Variants in RASA2 observed in about 807,000 individuals in gnomAD.
RASA2 encodes the protein RAS p21 protein activator 2.
Under a neutral mutation model 118.2 loss-of-function variants are expected in RASA2, and 155 were observed. That is an observed-to-expected ratio of 1.31 (90% confidence interval 1.15 to 1.50). The LOEUF (loss-of-function observed/expected upper bound fraction) is 1.50. Ranked by LOEUF, RASA2 falls within the 40% of genes most tolerant of loss-of-function variation. The pLI, the probability that RASA2 is intolerant of heterozygous loss-of-function variation, is 0.00. For synonymous variants in RASA2, 353 were observed against 349.1 expected (o/e 1.01, Z -0.12); for missense variants, 1,016 against 1,009.6 (o/e 1.01, Z -0.09).
At chr3:141,611,937 C>T (rs1202851071) in intron 23 of RASA2, among the ~76,000 whole-genome samples, 1 of 152,154 alleles carries the variant, frequency 6.6e-6, no homozygotes, top group Non-Finnish European at 1.5e-5. Flanking sequence ...TCCACTCATA[C>T]CCATACACAC....
intron 1 of RASA2, 119 bp from the exon 2 acceptor site, chr3:141,512,044 G>GT (rs145312322): frequency 0.17 from 89,512 of 512,608 alleles, 1 homozygote; most frequent in South Asian, 0.23. Flanking sequence ...AATCACTAGT[G>GT]TTTTTTTTTT....
intron 11 of RASA2, among the ~76,000 whole-genome samples, chr3:141,571,808 G>C (rs575022485): frequency 3.3e-5 from 5 of 152,032 alleles, no homozygotes; most frequent in Admixed American, 2.6e-4. Context: ...CTGCTTCTTA[G>C]TGTAATGGTT....
chr3:141,529,920 C>A, intron 4 of RASA2, 118 bp downstream of exon 4: 1 of 751,402 alleles, frequency 1.3e-6, no homozygotes, highest in Non-Finnish European at 2.1e-6. Context: ...ATTCTAGCAT[C>A]AAATATTATA....
chr3:141,520,711 G>C (rs979054692), intron 3 of RASA2, among the ~76,000 whole-genome samples: 4 of 152,024 alleles, frequency 2.6e-5, no homozygotes, highest in African/African-American at 9.7e-5. Context: ...TACACACACA[G>C]TTATATACAC....
chr3:141,565,088 C>T (rs1463832903), intron 9 of RASA2, among the ~76,000 whole-genome samples: 4 of 152,018 alleles, frequency 2.6e-5, no homozygotes, highest in African/African-American at 4.8e-5. Flanking sequence ...TGGGTTCAAG[C>T]GATTCTCCTG....
chr3:141,537,466 T>A (rs946249616), intron 4 of RASA2, among the ~76,000 whole-genome samples: 20 of 152,130 alleles, frequency 1.3e-4, no homozygotes, highest in Admixed American at 8.5e-4. Context: ...GTTTTATGTC[T>A]TTTAAAAAAT....
chr3:141,502,535 C>G (rs942999029), intron 1 of RASA2, among the ~76,000 whole-genome samples: 1 of 152,140 alleles, frequency 6.6e-6, no homozygotes, highest in Non-Finnish European at 1.5e-5. Flanking sequence ...TGGTGCTCTT[C>G]TTGTTGCCAC....
At chr3:141,497,779 A>G (rs1052021426) in intron 1 of RASA2, among the ~76,000 whole-genome samples, 1 of 151,708 alleles carries the variant, frequency 6.6e-6, no homozygotes. Context: ...TGCTGAGGCC[A>G]GAGAATCACT....
intron 3 of RASA2, among the ~76,000 whole-genome samples, chr3:141,527,573 T>G (rs2082202393): frequency 6.6e-6 from 1 of 152,068 alleles, no homozygotes; most frequent in Non-Finnish European, 1.5e-5. Context: ...ATGTCTGGTG[T>G]GGAATCTGTG....
rs1323389785 is a variant in RASA2 at position 141,608,684 on chromosome 3, A to C, written c.2212A>C (p.Lys738Gln). ...GACTGGTGAAAACACTCTCGGCTGC[A>C]AGCCATGTACTGCGTAAGTTTCTTT... is the stretch of plus-strand genomic sequence containing the variant. ...QETGENTLGC[K>Q]PCTAGVPADI... The change falls in exon 21 of 24, where the codon AAG (lysine) becomes CAG (glutamine). Residue 738 changes from lysine (K) to glutamine (Q), a missense_variant. Around this residue, in one of 2 missense-constraint regions of RASA2, gnomAD observed 120 missense variants for 173.2 expected, o/e 0.69. Transcript: ENST00000286364. The C allele has an allele frequency of 1.2e-6, 2 of 1,613,416 alleles. No individual in the cohort carries two copies. The highest frequency in any genetic ancestry group is 2.7e-5 in the African/African-American group (2 of 75,030).
chr3:141,571,690 C>G (rs896998336), intron 11 of RASA2, 136 bp downstream of exon 11: 7 of 794,994 alleles, frequency 8.8e-6, no homozygotes, highest in African/African-American at 5.5e-5. Context: ...AAGTACTTAA[C>G]AAATAACAAA....
intron 3 of RASA2, 64 bp downstream of exon 3, chr3:141,516,495 GTA>G (rs1483555802): frequency 8.3e-7 from 1 of 1,206,080 alleles, no homozygotes; most frequent in African/African-American, 1.6e-5. Context: ...CGTTCTCTTA[GTA>G]TAGTTTTGAA....
At chr3:141,529,129 A>G (rs927908285) in intron 3 of RASA2, among the ~76,000 whole-genome samples, 3 of 152,032 alleles carry the variant, frequency 2.0e-5, no homozygotes, top group African/African-American at 7.2e-5. Context: ...TAATTTTTGT[A>G]TGTATTGGAG....
chr3:141,510,032 C>T (rs6767158), intron 1 of RASA2, among the ~76,000 whole-genome samples: 71,312 of 151,910 alleles, frequency 0.47, 18,073 homozygotes, highest in African/African-American at 0.68. Flanking sequence ...TTTCTTATTT[C>T]AATTTTATAA....
intron 5 of RASA2, among the ~76,000 whole-genome samples, chr3:141,553,356 GA>G (rs1419705674): frequency 2.6e-5 from 4 of 152,174 alleles, no homozygotes; most frequent in Non-Finnish European, 1.5e-5. Context: ...GTATTTAGCA[GA>G]AGGAAATGTG....
rs529806784 is a variant in RASA2, at chr3:141,498,025, T to TA, written c.133+10810dup. Reference sequence around the variant, plus strand: ...TCTGAAAATTTTGGATCCTTTAAAATATGACATTTGTGTGAGTGGTACAGA... The same window carrying TA: ...TCTGAAAATTTTGGATCCTTTAAAATAATGACATTTGTGTGAGTGGTACAGA... On this transcript the variant is annotated intron_variant, in intron 1 of 23. Transcript: ENST00000286364. Among the ~76,000 whole-genome samples, 8 of 152,346 alleles carry TA rather than the reference T, an allele frequency of 5.3e-5. No individual in the cohort carries two copies. In the East Asian group the frequency reaches 1.5e-3, roughly 29 times the overall value.
At chr3:141,570,828 G>A (rs2082905809) in intron 9 of RASA2, 84 bp from the exon 10 acceptor site, 1 of 1,370,164 alleles carries the variant, frequency 7.3e-7, no homozygotes, top group East Asian at 2.5e-5. Context: ...TTTTGGTTTA[G>A]TTTTTTTATA....
intron 2 of RASA2, 93 bp downstream of exon 2, chr3:141,512,373 C>A: frequency 2.3e-6 from 2 of 869,256 alleles, no homozygotes; most frequent in Non-Finnish European, 1.8e-6. Context: ...GAAGACAAGA[C>A]AGAAACAGTG....
chr3:141,512,833 C>T lies in RASA2; in HGVS notation c.251+553C>T, dbSNP rs140825475. 6.6e-4 allele frequency among the ~76,000 whole-genome samples: 101 copies of T among 152,200 alleles called. 3 individuals carry two copies. In the East Asian group the frequency reaches 0.016, roughly 24 times the overall value. ...ATCCCAGCACTTTGGGAGGCAGACG[C>T]GGGCAGATCACTTGAGGTCAGAATT... On this transcript the variant is annotated intron_variant, in intron 2 of 23. Coordinates refer to ENST00000286364, the MANE Select transcript of RASA2 (RefSeq NM_006506.5).
Sources: allele counts gnomAD v4.1 joint callset (sites outside exome capture counted in the v4.1 genomes callset), GRCh38; gene constraint gnomAD v4.1.1; regional missense constraint gnomAD v4.1.1; transcripts MANE v1.5; gene names NCBI Gene and HGNC (gene_info 2026-07-23, HGNC 2026-07-21).